Variants in SPTLC3 observed in about 807,000 individuals in gnomAD.
The protein encoded by SPTLC3 is serine palmitoyltransferase long chain base subunit 3, also known as serine palmitoyltransferase 3.
Under a neutral mutation model 59.3 loss-of-function variants are expected in SPTLC3, and 36 were observed. The ratio of observed to expected loss-of-function variants is 0.61; its 90% CI spans 0.47 to 0.80. The LOEUF (loss-of-function observed/expected upper bound fraction) is 0.80, where lower values mean the gene tolerates loss of function less well. Among genes scored for constraint, SPTLC3 ranks in the 30% least tolerant of loss-of-function variants. The pLI is 0.00. For synonymous variants in SPTLC3, 257 were observed against 240.8 expected, an observed-to-expected ratio of 1.07 and a Z score of -0.62; for missense variants, 625 against 685.1, an observed-to-expected ratio of 0.91 and a Z score of 0.98.
intron 9 of SPTLC3, among the ~76,000 whole-genome samples, chr20:13,133,978 A>C (rs530959928): frequency 9.7e-4 from 147 of 152,300 alleles, no homozygotes; most frequent in African/African-American, 3.3e-3. Flanking sequence ...GGGTACTCAG[A>C]TGTTCCTCAT....
At chr20:13,056,474 G>A (rs1304778456) in intron 2 of SPTLC3, among the ~76,000 whole-genome samples, 6 of 137,070 alleles carry the variant, frequency 4.4e-5, no homozygotes, top group South Asian at 2.3e-4. Flanking sequence ...TTTTTTTTGA[G>A]ACGGAGTCTC....
In SPTLC3 at chr20:13,081,994, C is replaced by T. The variant is rs180865595; in HGVS notation, c.607+7497C>T. Among the ~76,000 whole-genome samples the T allele has an allele frequency of 8.0e-4, 121 of 152,198 alleles. 2 individuals are homozygous for T. Among genetic ancestry groups the T allele is most frequent in the Admixed American group, 3.1e-3 (47 of 15,288 alleles). On this transcript the variant is annotated intron_variant, in intron 4 of 11. Transcript: ENST00000399002. ...ACAACATAATTGCCCTTCTCCTGAC[C>T]GTGATAGAAATTATAGCACAGCTCA...
chr20:13,025,846 C>T (rs191439346), intron 1 of SPTLC3, among the ~76,000 whole-genome samples: 64 of 152,192 alleles, frequency 4.2e-4, no homozygotes, highest in African/African-American at 1.4e-3. Context: ...AAGTCAAGCA[C>T]CCATTAGTTA....
intron 8 of SPTLC3, among the ~76,000 whole-genome samples, chr20:13,123,946 C>T (rs78802391): frequency 0.052 from 7,943 of 152,184 alleles, 257 homozygotes; most frequent in South Asian, 0.082. Flanking sequence ...CTCAGGAGCA[C>T]GGAACATGCC....
At chr20:13,093,641 G>A in intron 6 of SPTLC3, 64 bp downstream of exon 6, 2 of 1,471,428 alleles carry the variant, frequency 1.4e-6, no homozygotes, top group South Asian at 2.3e-5. Context: ...AAAGATTATT[G>A]ATGAGGCTTT....
At chr20:13,032,501 A>G (rs547018685) in intron 1 of SPTLC3, among the ~76,000 whole-genome samples, 1 of 152,276 alleles carries the variant, frequency 6.6e-6, no homozygotes, top group East Asian at 1.9e-4. Flanking sequence ...ACAGCTTATC[A>G]CCAAGTATAT....
At chr20:13,094,351 T>A (rs954000852) in intron 6 of SPTLC3, among the ~76,000 whole-genome samples, 1 of 152,200 alleles carries the variant, frequency 6.6e-6, no homozygotes, top group Admixed American at 6.5e-5. Flanking sequence ...TTTGTTATTG[T>A]CGTTGGAAAA....
At position 13,160,105 on chromosome 20, in the gene SPTLC3, G is replaced by C; in HGVS notation, c.1518G>C (p.Ala506=). 6.2e-7 allele frequency: 1 copy of C among 1,613,816 alleles called. No homozygotes were observed. The highest frequency in any genetic ancestry group is 8.5e-7 in the Non-Finnish European group (1 of 1,179,922). ...AEARARFCVS[A]AHTREMLDTV... ...CTCGGGCTCGGTTTTGTGTTTCAGC[G>C]GCACATACCCGGGAGATGTTAGACA... The change falls in exon 11 of 12, where the codon GCG becomes GCC. Residue 506 remains alanine, a synonymous_variant. Coordinates refer to ENST00000399002, the MANE Select transcript of SPTLC3 (RefSeq NM_018327.4).
At chr20:13,107,880 T>A (rs1989993782) in intron 6 of SPTLC3, among the ~76,000 whole-genome samples, 1 of 152,166 alleles carries the variant, frequency 6.6e-6, no homozygotes, top group Non-Finnish European at 1.5e-5. Flanking sequence ...TATATTTGAA[T>A]AAAGAATTAT....
intron 6 of SPTLC3, among the ~76,000 whole-genome samples, chr20:13,102,657 C>A (rs1415991077): frequency 6.6e-6 from 1 of 152,180 alleles, no homozygotes. Flanking sequence ...CCAGCACCCA[C>A]CTGACTGAGA....
At chr20:13,061,680 C>G (rs1404417404) in intron 2 of SPTLC3, among the ~76,000 whole-genome samples, 1 of 152,190 alleles carries the variant, frequency 6.6e-6, no homozygotes, top group Non-Finnish European at 1.5e-5. Flanking sequence ...AAAGTCAAAT[C>G]TGTAGGCCAA....
rs144091933 is a variant in SPTLC3, at chr20:13,117,106, G to T, written c.933-400G>T. 4.6e-5 allele frequency among the ~76,000 whole-genome samples: 7 copies of T among 152,238 alleles called. No individual in the cohort carries two copies. The East Asian group carries it at 1.4e-3, about 29-fold the overall frequency. On this transcript the variant is annotated intron_variant, in intron 7 of 11. Transcript: ENST00000399002. ...ACCAAATTTAAGTCAAACAGACCTG[G>T]CCAAAAAGGCAATGCCAGGCTGATA...
intron 9 of SPTLC3, among the ~76,000 whole-genome samples, chr20:13,137,286 G>A (rs952562626): frequency 6.6e-6 from 1 of 152,162 alleles, no homozygotes; most frequent in East Asian, 1.9e-4. Flanking sequence ...TGGGGAAGTT[G>A]TTGCCTTGGC....
At chr20:13,039,665 A>G (rs4813106) in intron 1 of SPTLC3, among the ~76,000 whole-genome samples, 38,796 of 151,906 alleles carry the variant, frequency 0.26, 5,955 homozygotes, top group Middle Eastern at 0.39. Context: ...CCTTCTGTAT[A>G]TCTCATGTCC....
chr20:13,023,177 CT>C (rs1985975701), intron 1 of SPTLC3, among the ~76,000 whole-genome samples: 1 of 152,044 alleles, frequency 6.6e-6, no homozygotes, highest in Admixed American at 6.6e-5. Context: ...GGCTCACATG[CT>C]TTCTAAAATT....
At chr20:13,022,799 A>G (rs967222262) in intron 1 of SPTLC3, among the ~76,000 whole-genome samples, 1 of 152,140 alleles carries the variant, frequency 6.6e-6, no homozygotes, top group African/African-American at 2.4e-5. Flanking sequence ...GACTTTCTCT[A>G]TACAGCAGCC....
chr20:13,113,579 T>A (rs1990363730), intron 7 of SPTLC3, among the ~76,000 whole-genome samples: 1 of 152,220 alleles, frequency 6.6e-6, no homozygotes, highest in Admixed American at 6.5e-5. Context: ...ATTATTCATA[T>A]GTAGAATATA....
intron 2 of SPTLC3, among the ~76,000 whole-genome samples, chr20:13,052,763 AC>A (rs1450471310): frequency 1.3e-5 from 2 of 152,148 alleles, no homozygotes; most frequent in Non-Finnish European, 2.9e-5. Flanking sequence ...CACAGTGTAA[AC>A]AAAGCAGTGG....
chr20:13,138,070 T>C (rs1016152331), intron 9 of SPTLC3, among the ~76,000 whole-genome samples: 10 of 152,144 alleles, frequency 6.6e-5, no homozygotes, highest in African/African-American at 2.4e-4. Flanking sequence ...TAAAATATTG[T>C]CCCCTTTCCT....
Sources: gnomAD v4.1 joint callset for allele counts (sites outside exome capture counted in the v4.1 genomes callset) on GRCh38, gnomAD v4.1.1 for gene constraint, MANE v1.5 for transcripts, NCBI Gene and HGNC (gene_info 2026-07-23, HGNC 2026-07-21) for gene names.